The following ZSCAN2 variants were observed in gnomAD, a reference collection of about 807,000 sequenced individuals.
ZSCAN2 encodes the protein zinc finger and SCAN domain containing 2.
ZSCAN2 carries 26 observed loss-of-function variants against 47.8 expected under a neutral mutation model. The ratio of observed to expected loss-of-function variants is 0.54; its 90% CI spans 0.40 to 0.75. ZSCAN2 has a LOEUF of 0.75. Ranked by LOEUF, ZSCAN2 falls within the 30% of genes least tolerant of loss-of-function variation. The pLI is 0.00. For missense variants in ZSCAN2, 732 were observed against 785.4 expected, an observed-to-expected ratio of 0.93 and a Z score of 0.81; for synonymous variants, 305 against 288.7, an observed-to-expected ratio of 1.06 and a Z score of -0.57.
rs750866233 is a variant in ZSCAN2 at position 84,620,811 on chromosome 15, G to GT, written c.618dup (p.Gly207TrpfsTer47). On this transcript the variant is annotated frameshift_variant, in exon 3 of 3. Coordinates refer to ENST00000546148, the MANE Select transcript of ZSCAN2 (RefSeq NM_181877.4). LOFTEE classifies it high-confidence loss of function. Reference sequence around the variant, plus strand: ...GGAGGTGGTTTCTCAGGACAGGGAAGTTGGCCAGCTCATAGGCCTGCAGGG... The same window carrying GT: ...GGAGGTGGTTTCTCAGGACAGGGAAGTTTGGCCAGCTCATAGGCCTGCAGGG... The GT allele has an allele frequency of 6.2e-7, 1 of 1,614,144 alleles. No homozygotes were observed. Among genetic ancestry groups the GT allele is most frequent in the African/African-American group, 1.3e-5 (1 of 74,952 alleles).
At chr15:84,620,102 C>G (rs1479374051) in intron 2 of ZSCAN2, among the ~76,000 whole-genome samples, 3 of 152,128 alleles carry the variant, frequency 2.0e-5, no homozygotes, top group African/African-American at 7.2e-5. Flanking sequence ...CTCCCTCCCC[C>G]TCCCCCACAG....
Position 84,622,097 on chromosome 15 carries a change from C to A in ZSCAN2, c.*57C>A. ...TGGAGTGGGAGTTGCCACACTGCCC[C>A]AACAGTGATTCCCTTTCAAAGAGCT... On this transcript the variant is annotated 3_prime_UTR_variant, in exon 3 of 3. Transcript: ENST00000546148. 7.1e-7 allele frequency: 1 copy of A among 1,399,140 alleles called. No individual in the cohort carries two copies. The highest frequency in any genetic ancestry group is 9.8e-7 in the Non-Finnish European group (1 of 1,020,666). 86.7% of individuals were successfully genotyped at this position (1,399,140 alleles called of 1,614,324 possible).
intron 2 of ZSCAN2, among the ~76,000 whole-genome samples, chr15:84,619,974 T>C (rs1003828585): frequency 2.7e-5 from 4 of 149,304 alleles, no homozygotes; most frequent in African/African-American, 9.9e-5. Flanking sequence ...CAGGGGTACA[T>C]GTGCAGGATG....
intron 2 of ZSCAN2, 49 bp from the exon 3 acceptor site, chr15:84,620,553 C>T (rs772559484): frequency 2.0e-6 from 3 of 1,466,654 alleles, no homozygotes; most frequent in Non-Finnish European, 2.8e-6. Flanking sequence ...CTTTTGTCAT[C>T]ATGACAGGGA....
intron 1 of ZSCAN2, 147 bp from the exon 2 acceptor site, chr15:84,603,673 T>A (rs1280504910): frequency 5.0e-6 from 2 of 396,674 alleles, no homozygotes; most frequent in Non-Finnish European, 9.1e-6. Context: ...TTTTCAGGAA[T>A]AAGCCATTTT....
chr15:84,616,220 G>C, intron 2 of ZSCAN2: 2 of 797,192 alleles, frequency 2.5e-6, no homozygotes, highest in Non-Finnish European at 4.5e-6. Context: ...CTGGGTGACA[G>C]AGTGAGACTT....
chr15:84,621,986 C>T lies in ZSCAN2; in HGVS notation c.1791C>T (p.Asn597=), dbSNP rs1005407778. Residue 597 remains asparagine (N), a synonymous_variant, in exon 3 of 3, where the codon AAC becomes AAT. Coordinates refer to ENST00000546148, the MANE Select transcript of ZSCAN2 (RefSeq NM_181877.4). The surrounding 1 kb of genome is among the most constrained non-coding windows in gnomAD (Gnocchi z 5.7). The part of the protein sequence containing the change: ...KCPECGKGFS[N]SSNFITHQRT... ...CCGAGTGTGGCAAAGGCTTCAGCAA[C>T]AGCTCTAACTTTATCACACATCAGA... is the stretch of plus-strand genomic sequence containing the variant. The T allele has an allele frequency of 1.9e-6, 3 of 1,614,002 alleles. No homozygotes were observed. Among genetic ancestry groups the T allele is most frequent in the Non-Finnish European group, 8.5e-7 (1 of 1,179,930 alleles).
chr15:84,603,872 C>A lies in ZSCAN2; in HGVS notation c.-56C>A. On this transcript the variant is annotated 5_prime_UTR_variant, in exon 2 of 3. It adds an upstream start codon to the 5' untranslated region. Transcript: ENST00000546148. The stretch of plus-strand genomic sequence containing the variant: ...GGAAGTGTCTTACCTGAGAGCCTGG[C>A]TGGAGAAGACTGAGGTCCAAGGCTT... 1 of 1,555,942 alleles carries A rather than the reference C, an allele frequency of 6.4e-7. No individual in the cohort carries two copies. The highest frequency in any genetic ancestry group is 8.7e-7 in the Non-Finnish European group (1 of 1,149,020).
Position 84,604,212 on chromosome 15 carries a change from G to A in ZSCAN2, c.285G>A (p.Lys95=), listed in dbSNP as rs1345064227. 1 of 1,614,006 alleles carries A rather than the reference G, an allele frequency of 6.2e-7. No homozygotes were observed. The highest frequency in any genetic ancestry group is 8.5e-7 in the Non-Finnish European group (1 of 1,179,974). The part of the protein sequence containing the change: ...RRWLRPEVHT[K]EQMLTMLPKE... ...GGCTGAGACCAGAGGTACACACCAA[G>A]GAGCAGATGTTAACCATGCTGCCAA... The change falls in exon 2 of 3, where the codon AAG becomes AAA. Residue 95 remains lysine (K), a synonymous_variant. Transcript: ENST00000546148.
rs142027933 is a variant in ZSCAN2, at chr15:84,617,297, G to A, written c.407-3305G>A. On this transcript the variant is annotated intron_variant, in intron 2 of 2. Transcript: ENST00000546148. ...CTAAAAATACAAAAATTAGCCAGGC[G>A]TGTTGGCGTGCGCCTGTAGTACCAG... Among the ~76,000 whole-genome samples the A allele has an allele frequency of 4.9e-3, 738 of 151,768 alleles. 4 individuals are homozygous for A. Among genetic ancestry groups the A allele is most frequent in the Non-Finnish European group, 6.7e-3 (453 of 67,938 alleles).
chr15:84,601,166 C>G (rs541633978), intron 1 of ZSCAN2, 31 bp downstream of exon 1: 4 of 152,428 alleles, frequency 2.6e-5, no homozygotes, highest in African/African-American at 9.6e-5. Flanking sequence ...TGGAGCCACG[C>G]GGACCCCGGG....
At chr15:84,601,949 A>ATTTTTTT (rs60806194) in intron 1 of ZSCAN2, 1 of 102,266 alleles carries the variant, frequency 9.8e-6, no homozygotes, top group Non-Finnish European at 1.9e-5. Context: ...CTGTGAGTTC[A>ATTTTTTT]TTTTTTTTTT....
chr15:84,618,192 C>T (rs957701235), intron 2 of ZSCAN2, among the ~76,000 whole-genome samples: 39 of 151,994 alleles, frequency 2.6e-4, no homozygotes, highest in Non-Finnish European at 4.9e-4. Flanking sequence ...CCCAGGCGGG[C>T]GGATCACCTG....
At chr15:84,613,135 G>A (rs545051455) in intron 2 of ZSCAN2, among the ~76,000 whole-genome samples, 8 of 152,246 alleles carry the variant, frequency 5.3e-5, no homozygotes, top group South Asian at 4.1e-4. Context: ...GAGGCCAACC[G>A]TATTGTATGC....
Position 84,622,144 on chromosome 15 carries a change from G to C in ZSCAN2, c.*104G>C. Reference sequence around the variant, plus strand: ...AGCTGTGCTTCCTAAACATTCTGGGGGGTTTTGCCAGAGTCTTCCCCTTGC... The same window carrying C: ...AGCTGTGCTTCCTAAACATTCTGGGCGGTTTTGCCAGAGTCTTCCCCTTGC... On this transcript the variant is annotated 3_prime_UTR_variant, in exon 3 of 3. Transcript: ENST00000546148. 1 of 1,110,358 alleles carries C rather than the reference G, an allele frequency of 9.0e-7. No individual in the cohort carries two copies. Among genetic ancestry groups the C allele is most frequent in the Non-Finnish European group, 1.3e-6 (1 of 767,076 alleles). 68.8% of individuals were successfully genotyped at this position (1,110,358 alleles called of 1,614,324 possible). A position where few individuals can be genotyped will look rare whatever the true frequency, so the allele number is the denominator to read the frequency against.
At chr15:84,619,242 T>A (rs1018757823) in intron 2 of ZSCAN2, among the ~76,000 whole-genome samples, 1 of 152,032 alleles carries the variant, frequency 6.6e-6, no homozygotes, top group Admixed American at 6.6e-5. Flanking sequence ...CCATCCTGGC[T>A]AACATGGTGA....
At chr15:84,601,744 C>T (rs1895208600) in intron 1 of ZSCAN2, among the ~76,000 whole-genome samples, 1 of 151,982 alleles carries the variant, frequency 6.6e-6, no homozygotes, top group African/African-American at 2.4e-5. Flanking sequence ...CTGGGTCTCA[C>T]TCTGTTGCCC....
At chr15:84,604,371 C>T in intron 2 of ZSCAN2, 38 bp downstream of exon 2, 2 of 1,568,178 alleles carry the variant, frequency 1.3e-6, no homozygotes, top group Non-Finnish European at 1.7e-6. Flanking sequence ...GGCGGGAGCA[C>T]CCTTCCAAGG....
At chr15:84,611,904 C>T (rs1895560621) in intron 2 of ZSCAN2, 1 of 152,222 alleles carries the variant, frequency 6.6e-6, no homozygotes. Context: ...AAAGCCATTG[C>T]TATCAGTAAA....
Sources: allele counts gnomAD v4.1 joint callset (sites outside exome capture counted in the v4.1 genomes callset), GRCh38; gene constraint gnomAD v4.1.1; non-coding constraint Gnocchi (gnomAD v3.1); transcripts MANE v1.5; gene names NCBI Gene and HGNC (gene_info 2026-07-23, HGNC 2026-07-21).